The following TMPRSS6 variants were observed in gnomAD, a reference collection of about 807,000 sequenced individuals.
The protein encoded by TMPRSS6 is transmembrane protease serine 6.
Under a neutral mutation model 101.5 loss-of-function variants are expected in TMPRSS6, and 67 were observed. The ratio of observed to expected loss-of-function variants is 0.66; its 90% CI spans 0.54 to 0.81. The LOEUF is 0.81. TMPRSS6 is among the 30% of genes least tolerant of loss of function. The pLI, the probability that TMPRSS6 is intolerant of heterozygous loss-of-function variation, is 0.00. For synonymous variants in TMPRSS6, 453 were observed against 464.9 expected (o/e 0.97, Z 0.33); for missense variants, 1,034 against 1,088.7 (o/e 0.95, Z 0.71).
chr22:37,078,967 GAAAGAAAA>G (rs1569006006), intron 10 of TMPRSS6, among the ~76,000 whole-genome samples: 12 of 83,934 alleles, frequency 1.4e-4, no homozygotes, highest in African/African-American at 5.2e-4. Context: ...GAGAAAGAAA[GAAAGAAAA>G]AGAAAGAAAG....
intron 5 of TMPRSS6, 134 bp downstream of exon 5, chr22:37,095,772 C>A: frequency 7.7e-7 from 1 of 1,291,746 alleles, no homozygotes; most frequent in Non-Finnish European, 1.1e-6. Context: ...ACTGCTACCT[C>A]ACCTGGGGGG....
chr22:37,066,136 C>T lies in TMPRSS6; in HGVS notation c.2353G>A (p.Gly785Ser), dbSNP rs776040622. The T allele has an allele frequency of 2.4e-5, 39 of 1,613,328 alleles. No homozygotes were observed. Among genetic ancestry groups the T allele is most frequent in the East Asian group, 1.8e-4 (8 of 44,902 alleles). ...ACACCTGTGATGCGGGTGTAGACGC[C>T]GAAGTAGTTAGGCCGGCCACAGCCC... ...GLGCGRPNYF[G>S]VYTRITGVIS... Residue 785 changes from glycine to serine, a missense_variant, in exon 18 of 18, where the codon GGC becomes AGC. Gly to Ser is a moderately conservative substitution (Grantham distance 56). Coordinates refer to ENST00000676104, the MANE Select transcript of TMPRSS6 (RefSeq NM_001374504.1).
chr22:37,073,848 G>A (rs867464439), intron 12 of TMPRSS6, among the ~76,000 whole-genome samples: 3 of 152,312 alleles, frequency 2.0e-5, no homozygotes, highest in Middle Eastern at 3.4e-3. Flanking sequence ...AGGTCCAAGC[G>A]ATTCTCCTGC....
At chr22:37,091,677 T>C (rs1166319627) in intron 6 of TMPRSS6, among the ~76,000 whole-genome samples, 1 of 152,256 alleles carries the variant, frequency 6.6e-6, no homozygotes, top group Admixed American at 6.5e-5. Context: ...GACTTACTAT[T>C]GGTTGCAGAT....
chr22:37,102,682 GC>G (rs1164247591), intron 2 of TMPRSS6, among the ~76,000 whole-genome samples: 1 of 152,152 alleles, frequency 6.6e-6, no homozygotes, highest in Non-Finnish European at 1.5e-5. Flanking sequence ...CTCTCCAGCT[GC>G]CTGCTCCGTC....
rs776581392 is a variant in TMPRSS6, at chr22:37,103,242, G to A, written c.176C>T (p.Ala59Val). The change falls in exon 2 of 18, where the codon GCG becomes GTG. Residue 59 changes from alanine (A) to valine (V), a missense_variant. Physicochemically the swap from Ala to Val is moderately conservative, Grantham distance 64. Coordinates refer to ENST00000676104, the MANE Select transcript of TMPRSS6 (RefSeq NM_001374504.1). This position sits in a 1 kb window ranked among gnomAD's most constrained non-coding sequence, Gnocchi z 4.4. Reference sequence around the variant, plus strand: ...TAGGAAATACCAGAGTAGCACCCCCGCCGAAGCCAGCACGAGCAGGGCCAG... The same window carrying A: ...TAGGAAATACCAGAGTAGCACCCCCACCGAAGCCAGCACGAGCAGGGCCAG... The part of the protein sequence containing the change: ...VLLALLVLAS[A>V]GVLLWYFLGY... 1.9e-5 allele frequency: 30 copies of A among 1,613,888 alleles called. No homozygotes were observed. Among genetic ancestry groups the A allele is most frequent in the East Asian group, 6.7e-5 (3 of 44,898 alleles).
In TMPRSS6 at chr22:37,103,095, A is replaced by G; in HGVS notation, c.202+121T>C. The G allele has an allele frequency of 9.5e-7, 1 of 1,056,686 alleles. No individual in the cohort carries two copies. The highest frequency in any genetic ancestry group is 1.4e-6 in the Non-Finnish European group (1 of 703,144). The allele number at this position is 1,056,686 out of a possible 1,614,324, so 65.5% of individuals were successfully genotyped here. On this transcript the variant is annotated intron_variant, in intron 2 of 17. Coordinates refer to ENST00000676104, the MANE Select transcript of TMPRSS6 (RefSeq NM_001374504.1). This position sits in a 1 kb window ranked among gnomAD's most constrained non-coding sequence, Gnocchi z 4.4. Reference sequence around the variant, plus strand: ...CCAGAGAACAGAAGTGACTTGCCCAAGGTCACACAGCAATATGCTAAGCAC... The same window carrying G: ...CCAGAGAACAGAAGTGACTTGCCCAGGGTCACACAGCAATATGCTAAGCAC...
chr22:37,070,122 G>A (rs576354904), intron 15 of TMPRSS6, among the ~76,000 whole-genome samples: 1 of 152,184 alleles, frequency 6.6e-6, no homozygotes, highest in African/African-American at 2.4e-5. Context: ...ACCTCGGGGA[G>A]TGTCATAGCT....
intron 2 of TMPRSS6, 141 bp from the exon 3 acceptor site, chr22:37,098,690 C>G: frequency 9.0e-7 from 1 of 1,113,162 alleles, no homozygotes; most frequent in East Asian, 2.4e-5. Context: ...ATGTCATCAT[C>G]ATCATCTTTG....
chr22:37,097,250 T>C (rs1929848702), intron 3 of TMPRSS6, among the ~76,000 whole-genome samples: 1 of 152,192 alleles, frequency 6.6e-6, no homozygotes, highest in East Asian at 1.9e-4. Context: ...ACGGGCAGCC[T>C]CAGGCTGGGT....
chr22:37,087,677 G>A (rs181257937), intron 7 of TMPRSS6, among the ~76,000 whole-genome samples: 74 of 151,744 alleles, frequency 4.9e-4, no homozygotes, highest in African/African-American at 1.8e-3. Context: ...CCACACCGGT[G>A]CCCCCCACCC....
chr22:37,071,882 G>GTGGATGGGTGGA (rs1037518690), intron 13 of TMPRSS6, among the ~76,000 whole-genome samples: 2 of 152,290 alleles, frequency 1.3e-5, no homozygotes, highest in Admixed American at 6.5e-5. Flanking sequence ...AGGGAGATCA[G>GTGGATGGGTGGA]TGGATGGGTG....
chr22:37,095,949 G>A lies in TMPRSS6; in HGVS notation c.546C>T (p.Tyr182=), dbSNP rs200003353. The A allele has an allele frequency of 6.2e-7, 1 of 1,614,170 alleles. No homozygotes were observed. Among genetic ancestry groups the A allele is most frequent in the East Asian group, 2.2e-5 (1 of 44,874 alleles). Residue 182 remains tyrosine (Y), a synonymous_variant, in exon 5 of 18, where the codon TAC becomes TAT. Coordinates refer to ENST00000676104, the MANE Select transcript of TMPRSS6 (RefSeq NM_001374504.1). ...CGGGGTCCACTTCGTACTCGGCCCTGTAGGGGACGGCAGCCGAGCTGTTGA... is the reference window on the plus strand; with the variant it reads ...CGGGGTCCACTTCGTACTCGGCCCTATAGGGGACGGCAGCCGAGCTGTTGA... ...STVNSSAAVP[Y]RAEYEVDPEG... is the part of the protein sequence containing the mutation.
intron 9 of TMPRSS6, 105 bp from the exon 10 acceptor site, chr22:37,084,509 G>T: frequency 1.1e-6 from 1 of 932,968 alleles, no homozygotes; most frequent in South Asian, 1.4e-5. Flanking sequence ...CCCAGGTGGG[G>T]CTAAAGTCTG....
intron 16 of TMPRSS6, among the ~76,000 whole-genome samples, chr22:37,068,172 G>T (rs1926516193): frequency 6.6e-6 from 1 of 151,966 alleles, no homozygotes; most frequent in Admixed American, 6.5e-5. Context: ...TCATCCTTAT[G>T]TACCCTTCCC....
chr22:37,076,926 C>G (rs1465806445), intron 10 of TMPRSS6, among the ~76,000 whole-genome samples: 1 of 152,238 alleles, frequency 6.6e-6, no homozygotes, highest in Admixed American at 6.5e-5. Context: ...CATCCCACAG[C>G]AAATCCAACA....
At chr22:37,079,015 A>AAGAAAGAAAGAAAGAAAG in intron 10 of TMPRSS6, among the ~76,000 whole-genome samples, 1 of 131,090 alleles carries the variant, frequency 7.6e-6, no homozygotes, top group South Asian at 2.8e-4. Context: ...GAAAGAAAGA[A>AAGAAAGAAAGAAAGAAAG]AGAGAAAGAG....
At chr22:37,083,085 C>G (rs982770822) in intron 10 of TMPRSS6, 1 of 470,926 alleles carries the variant, frequency 2.1e-6, no homozygotes, top group African/African-American at 2.0e-5. Flanking sequence ...GATATTCAAA[C>G]TCTGTGAAAT....
intron 10 of TMPRSS6, among the ~76,000 whole-genome samples, chr22:37,075,692 C>T (rs1927570740): frequency 6.6e-6 from 1 of 152,120 alleles, no homozygotes; most frequent in Non-Finnish European, 1.5e-5. Context: ...CACCTGAAGT[C>T]GGGAGTTCGA....
Sources: allele counts gnomAD v4.1 joint callset (sites outside exome capture counted in the v4.1 genomes callset), GRCh38; gene constraint gnomAD v4.1.1; non-coding constraint Gnocchi (gnomAD v3.1); transcripts MANE v1.5; gene names NCBI Gene and HGNC (gene_info 2026-07-23, HGNC 2026-07-21).